OXR1: variants seen among roughly 807,000 people sequenced by gnomAD.
OXR1 encodes oxidation resistance protein 1.
OXR1 carries 41 observed loss-of-function variants against 104.6 expected under a neutral mutation model. That is an observed-to-expected ratio of 0.39 (90% CI 0.31 to 0.51). The LOEUF is 0.51. Among genes scored for constraint, OXR1 ranks in the 20% least tolerant of loss-of-function variants. The probability of loss-of-function intolerance (pLI) is 0.77; values close to 1 mark genes in which losing one functional copy is unlikely to be tolerated. For synonymous variants in OXR1, 348 were observed against 348.4 expected, an observed-to-expected ratio of 1.00 and a Z score of 0.01; for missense variants, 955 against 1,031.9, an observed-to-expected ratio of 0.93 and a Z score of 1.02.
intron 6 of OXR1, among the ~76,000 whole-genome samples, chr8:106,688,748 G>A (rs1828994303): frequency 6.6e-6 from 1 of 152,136 alleles, no homozygotes; most frequent in African/African-American, 2.4e-5. Context: ...AAGGCATAGA[G>A]AGAAGAATGA....
intron 11 of OXR1, among the ~76,000 whole-genome samples, chr8:106,730,179 G>A (rs1019678214): frequency 6.6e-6 from 1 of 151,918 alleles, no homozygotes; most frequent in Non-Finnish European, 1.5e-5. Context: ...AGTTTTCCCT[G>A]TTATTCACAA....
chr8:106,273,599 CT>C (rs1272939609), intron 1 of OXR1, among the ~76,000 whole-genome samples: 1 of 152,184 alleles, frequency 6.6e-6, no homozygotes, highest in Non-Finnish European at 1.5e-5. Flanking sequence ...AGAAACTTGG[CT>C]TTCAATAAGA....
intron 3 of OXR1, among the ~76,000 whole-genome samples, chr8:106,566,558 G>A (rs1817090372): frequency 6.6e-6 from 1 of 152,204 alleles, no homozygotes; most frequent in Non-Finnish European, 1.5e-5. Context: ...GGAAGACAGT[G>A]TGGTGATTCC....
chr8:106,730,946 C>T (rs888214808), intron 11 of OXR1, among the ~76,000 whole-genome samples: 3 of 151,914 alleles, frequency 2.0e-5, no homozygotes, highest in Admixed American at 6.6e-5. Context: ...AACTGCCAAA[C>T]TGTCTTTCAT....
chr8:106,475,716 T>A (rs1168886259), intron 2 of OXR1, among the ~76,000 whole-genome samples: 3 of 150,930 alleles, frequency 2.0e-5, no homozygotes, highest in African/African-American at 7.4e-5. Flanking sequence ...GATTTTCTAA[T>A]GTCAGTTTGT....
At chr8:106,307,194 A>G (rs1429005631) in intron 1 of OXR1, among the ~76,000 whole-genome samples, 1 of 152,144 alleles carries the variant, frequency 6.6e-6, no homozygotes, top group African/African-American at 2.4e-5. Flanking sequence ...CTTCCTGGGA[A>G]TGGTATGTGA....
chr8:106,463,294 G>A (rs1371143250), intron 2 of OXR1, among the ~76,000 whole-genome samples: 1 of 151,988 alleles, frequency 6.6e-6, no homozygotes, highest in African/African-American at 2.4e-5. Context: ...TGGGAGGGGG[G>A]TTTATTGAAT....
chr8:106,695,189 TAAGGGTA>T (rs1385928511), intron 7 of OXR1, among the ~76,000 whole-genome samples: 9 of 151,080 alleles, frequency 6.0e-5, no homozygotes, highest in African/African-American at 1.9e-4. Flanking sequence ...ATTTTTAAAA[TAAGGGTA>T]AAGTCTATTA....
intron 2 of OXR1, among the ~76,000 whole-genome samples, chr8:106,362,092 C>T (rs1452386611): frequency 2.0e-5 from 3 of 152,186 alleles, no homozygotes; most frequent in Non-Finnish European, 4.4e-5. Flanking sequence ...AGGGCAGCTT[C>T]TTCGTGTCTA....
At chr8:106,503,814 A>G (rs1043504128) in intron 2 of OXR1, among the ~76,000 whole-genome samples, 7 of 152,142 alleles carry the variant, frequency 4.6e-5, no homozygotes, top group African/African-American at 1.7e-4. Flanking sequence ...GTCCTGCAAG[A>G]ATCTTAGTTC....
chr8:106,323,863 G>A (rs1814338663), intron 1 of OXR1, among the ~76,000 whole-genome samples: 1 of 152,080 alleles, frequency 6.6e-6, no homozygotes, highest in African/African-American at 2.4e-5. Context: ...AAAAATAATA[G>A]ATGCTGGCGA....
chr8:106,562,954 A>G (rs62516349), intron 3 of OXR1, among the ~76,000 whole-genome samples: 62,649 of 152,086 alleles, frequency 0.41, 13,187 homozygotes, highest in Admixed American at 0.45. Flanking sequence ...CTGCCTTACA[A>G]GAGCTCCTGA....
At chr8:106,508,321 G>T (rs1812301037) in intron 2 of OXR1, among the ~76,000 whole-genome samples, 2 of 152,162 alleles carry the variant, frequency 1.3e-5, no homozygotes, top group African/African-American at 4.8e-5. Context: ...GAAGAAAAGT[G>T]ATTTCTGTAA....
intron 2 of OXR1, among the ~76,000 whole-genome samples, chr8:106,400,837 A>G (rs984959327): frequency 6.6e-6 from 1 of 152,164 alleles, no homozygotes; most frequent in Non-Finnish European, 1.5e-5. Flanking sequence ...GTAGATTATG[A>G]CAGATAGATA....
chr8:106,303,881 C>T (rs746409437), intron 1 of OXR1, among the ~76,000 whole-genome samples: 1 of 152,100 alleles, frequency 6.6e-6, no homozygotes, highest in Admixed American at 6.6e-5. Flanking sequence ...TCGCTTAAGA[C>T]AAAAGACATC....
chr8:106,739,809 T>C (rs1444956083), intron 13 of OXR1, among the ~76,000 whole-genome samples: 1 of 151,492 alleles, frequency 6.6e-6, no homozygotes, highest in African/African-American at 2.4e-5. Flanking sequence ...GTTGTGTGCT[T>C]GTTACTTGCT....
At chr8:106,744,002 G>A (rs1459754843) in intron 15 of OXR1, among the ~76,000 whole-genome samples, 1 of 152,180 alleles carries the variant, frequency 6.6e-6, no homozygotes, top group Non-Finnish European at 1.5e-5. Context: ...AGAACACATG[G>A]ACACATTTCA....
At chr8:106,576,465 T>TAAA (rs1817840574) in intron 3 of OXR1, among the ~76,000 whole-genome samples, 1 of 57,524 alleles carries the variant, frequency 1.7e-5, no homozygotes, top group Non-Finnish European at 3.6e-5. Flanking sequence ...GCACAGTTAT[T>TAAA]CAAAAAAAAA....
At chr8:106,591,893 G>T (rs1372473495) in intron 3 of OXR1, among the ~76,000 whole-genome samples, 1 of 152,202 alleles carries the variant, frequency 6.6e-6, no homozygotes, top group South Asian at 2.1e-4. Context: ...TAAACGCAAG[G>T]TTATTCATAA....
Sources: allele counts gnomAD v4.1 joint callset (sites outside exome capture counted in the v4.1 genomes callset), GRCh38; gene constraint gnomAD v4.1.1; transcripts MANE v1.5; gene names NCBI Gene and HGNC (gene_info 2026-07-23, HGNC 2026-07-21).